PTPRK: variants seen among roughly 807,000 people sequenced by gnomAD.
The protein encoded by PTPRK is receptor-type tyrosine-protein phosphatase kappa.
In PTPRK, 75 loss-of-function variants were observed where a neutral mutation model predicts 178.0. The observed-to-expected ratio is 0.42, with a 90% CI of 0.35 to 0.51. The LOEUF is 0.51. Ranked by LOEUF, PTPRK falls within the 20% of genes least tolerant of loss-of-function variation. The probability of loss-of-function intolerance (pLI) is 0.02; values close to 1 mark genes in which losing one functional copy is unlikely to be tolerated. For synonymous variants in PTPRK, 637 were observed against 620.6 expected, an observed-to-expected ratio of 1.03 and a Z score of -0.39; for missense variants, 1,441 against 1,797.8, an observed-to-expected ratio of 0.80 and a Z score of 3.59.
intron 13 of PTPRK, among the ~76,000 whole-genome samples, chr6:128,023,688 C>G (rs1773862510): frequency 6.6e-6 from 1 of 152,152 alleles, no homozygotes; most frequent in East Asian, 1.9e-4. Flanking sequence ...GGGTCTCACT[C>G]TGTCTCCAGG....
intron 5 of PTPRK, chr6:128,235,529 A>G: frequency 2.1e-6 from 1 of 487,608 alleles, no homozygotes; most frequent in Non-Finnish European, 4.3e-6. Context: ...TTCCTCAGGA[A>G]TACAGACATC....
intron 13 of PTPRK, among the ~76,000 whole-genome samples, chr6:128,010,886 C>T (rs1227044614): frequency 6.6e-6 from 1 of 151,120 alleles, no homozygotes; most frequent in Non-Finnish European, 1.5e-5. Context: ...TTGACACTTT[C>T]CATATATTCC....
chr6:128,464,661 A>ATGTG lies in PTPRK; in HGVS notation c.100+55597_100+55598insCACA, dbSNP rs1308331058. On this transcript the variant is annotated intron_variant, in intron 1 of 29. Transcript: ENST00000368226. ...CACATATATATATATATATATATAT[A>ATGTG]TATATATATATATACAACAGATGGT... 2.6e-5 allele frequency among the ~76,000 whole-genome samples: 3 copies of ATGTG among 113,466 alleles called. 1 individual carries two copies. Among genetic ancestry groups the ATGTG allele is most frequent in the African/African-American group, 1.2e-4 (3 of 25,994 alleles). 74.4% of individuals were successfully genotyped at this position (113,466 alleles called of 152,430 possible). A position where few individuals can be genotyped will look rare whatever the true frequency, so the allele number is the denominator to read the frequency against.
At chr6:128,516,282 C>A (rs1457588115) in intron 1 of PTPRK, among the ~76,000 whole-genome samples, 1 of 152,028 alleles carries the variant, frequency 6.6e-6, no homozygotes, top group Non-Finnish European at 1.5e-5. Context: ...AGCACACATG[C>A]CAATGTCCAA....
chr6:128,418,391 G>A (rs980625470), intron 1 of PTPRK, among the ~76,000 whole-genome samples: 1 of 152,210 alleles, frequency 6.6e-6, no homozygotes, highest in Non-Finnish European at 1.5e-5. Flanking sequence ...ACAGCAGGAG[G>A]TGAGCACTGG....
At chr6:128,011,518 C>T (rs2114726529) in intron 13 of PTPRK, among the ~76,000 whole-genome samples, 1 of 151,142 alleles carries the variant, frequency 6.6e-6, no homozygotes, top group Non-Finnish European at 1.5e-5. Flanking sequence ...ATCTTCAGAG[C>T]TGCTAATCCC....
chr6:128,130,061 A>T (rs1042599485), intron 7 of PTPRK, among the ~76,000 whole-genome samples: 1 of 152,184 alleles, frequency 6.6e-6, no homozygotes, highest in Non-Finnish European at 1.5e-5. Context: ...AGTTAGAGTT[A>T]TGATATGGTA....
At chr6:128,015,867 C>A (rs1779536343) in intron 13 of PTPRK, among the ~76,000 whole-genome samples, 1 of 151,774 alleles carries the variant, frequency 6.6e-6, no homozygotes, top group Admixed American at 6.6e-5. Flanking sequence ...TACCCACCAG[C>A]AGCGTATGCC....
At chr6:128,061,770 T>C (rs1026609352) in intron 13 of PTPRK, among the ~76,000 whole-genome samples, 1 of 152,188 alleles carries the variant, frequency 6.6e-6, no homozygotes, top group Non-Finnish European at 1.5e-5. Flanking sequence ...GGTGAGCCTT[T>C]CAAACTCCAG....
intron 1 of PTPRK, among the ~76,000 whole-genome samples, chr6:128,415,537 C>T (rs1476656670): frequency 6.6e-6 from 1 of 151,282 alleles, no homozygotes; most frequent in African/African-American, 2.4e-5. Flanking sequence ...TCACAAATCA[C>T]TTCCACAAAG....
chr6:128,334,782 G>T (rs994485678), intron 2 of PTPRK, among the ~76,000 whole-genome samples: 2 of 152,104 alleles, frequency 1.3e-5, no homozygotes, highest in Admixed American at 1.3e-4. Context: ...CCAAATAAAA[G>T]CATATTCCTG....
chr6:128,106,532 A>T (rs1002966578), intron 7 of PTPRK, among the ~76,000 whole-genome samples: 13 of 152,174 alleles, frequency 8.5e-5, no homozygotes, highest in Non-Finnish European at 1.8e-4. Flanking sequence ...TTGAAAAAAA[A>T]AAGCACTAAA....
chr6:128,345,192 A>G (rs904797976), intron 2 of PTPRK, among the ~76,000 whole-genome samples: 5 of 152,172 alleles, frequency 3.3e-5, no homozygotes, highest in Non-Finnish European at 7.4e-5. Context: ...ATGTATTCAT[A>G]CACATACATC....
chr6:128,298,700 G>A (rs1397089829), intron 3 of PTPRK, among the ~76,000 whole-genome samples: 1 of 152,054 alleles, frequency 6.6e-6, no homozygotes, highest in African/African-American at 2.4e-5. Context: ...CAATAAATTA[G>A]GTATTGATGG....
At chr6:128,330,521 T>C (rs1235765668) in intron 2 of PTPRK, among the ~76,000 whole-genome samples, 1 of 152,160 alleles carries the variant, frequency 6.6e-6, no homozygotes, top group Non-Finnish European at 1.5e-5. Context: ...TCATTGTTTC[T>C]ATTTTCAAGC....
chr6:128,021,339 A>G (rs935527997), intron 13 of PTPRK, among the ~76,000 whole-genome samples: 9 of 152,186 alleles, frequency 5.9e-5, no homozygotes, highest in African/African-American at 2.2e-4. Flanking sequence ...TTTTGATAAG[A>G]AAGTTTCATC....
At chr6:128,265,149 T>A (rs1212152837) in intron 3 of PTPRK, among the ~76,000 whole-genome samples, 1 of 152,034 alleles carries the variant, frequency 6.6e-6, no homozygotes, top group South Asian at 2.1e-4. Flanking sequence ...AGAAACGAAG[T>A]GACAAGCTCA....
chr6:128,307,634 A>G (rs1160873400), intron 3 of PTPRK, among the ~76,000 whole-genome samples: 1 of 152,116 alleles, frequency 6.6e-6, no homozygotes. Context: ...CAGATAAACC[A>G]ATAGATAACT....
chr6:128,273,785 C>T (rs916412667), intron 3 of PTPRK, among the ~76,000 whole-genome samples: 5 of 152,140 alleles, frequency 3.3e-5, no homozygotes, highest in Admixed American at 1.3e-4. Context: ...TTAGTCAGTG[C>T]ATAAGTCGCA....
Sources: gnomAD v4.1 joint callset for allele counts (sites outside exome capture counted in the v4.1 genomes callset) on GRCh38, gnomAD v4.1.1 for gene constraint, MANE v1.5 for transcripts, NCBI Gene and HGNC (gene_info 2026-07-23, HGNC 2026-07-21) for gene names.